Variants in NRG1 observed in about 807,000 individuals in gnomAD.
The protein encoded by NRG1 is neuregulin 1.
A neutral mutation model predicts 63.8 loss-of-function variants in NRG1; 18 were observed. The observed-to-expected ratio is 0.28, with a 90% CI of 0.19 to 0.42. NRG1 has a LOEUF of 0.42. Ranked by LOEUF, NRG1 falls within the 10% of genes least tolerant of loss-of-function variation. NRG1 has a pLI of 1.00. For missense variants in NRG1, 762 were observed against 814.7 expected (o/e 0.94, Z 0.79); for synonymous variants, 302 against 301.3 (o/e 1.00, Z -0.02).
At chr8:32,115,529 T>C (rs1329349691) in intron 1 of NRG1, among the ~76,000 whole-genome samples, 6 of 152,094 alleles carry the variant, frequency 3.9e-5, no homozygotes, top group African/African-American at 1.4e-4. Flanking sequence ...CTCGTTGTCA[T>C]TGTCTTCAGG....
chr8:32,738,709 C>G (rs1162524187), intron 6 of NRG1, among the ~76,000 whole-genome samples: 11 of 152,180 alleles, frequency 7.2e-5, no homozygotes, highest in Admixed American at 7.2e-4. Flanking sequence ...GCTTATAGAT[C>G]AACTGGGTTT....
At chr8:32,410,240 G>A (rs1471509102) in intron 1 of NRG1, among the ~76,000 whole-genome samples, 1 of 141,146 alleles carries the variant, frequency 7.1e-6, no homozygotes, top group East Asian at 2.0e-4. Flanking sequence ...GAGTGCAGTG[G>A]CATCATCATA....
chr8:32,045,561 T>A (rs757665115), intron 1 of NRG1, among the ~76,000 whole-genome samples: 2 of 152,014 alleles, frequency 1.3e-5, no homozygotes, highest in East Asian at 1.9e-4. Context: ...TGTGCTCAAT[T>A]TTAAGAATTA....
chr8:32,226,930 T>C (rs1846387923), intron 1 of NRG1, among the ~76,000 whole-genome samples: 1 of 152,172 alleles, frequency 6.6e-6, no homozygotes, highest in Non-Finnish European at 1.5e-5. Context: ...AGTATAGAGA[T>C]AGAATGTGTC....
At chr8:32,764,031 A>G in exon 12 of NRG1, 2 of 1,614,044 alleles carry the variant, frequency 1.2e-6, no homozygotes, top group Non-Finnish European at 1.7e-6. Context: ...TAGCCCCTTG[A>G]GGATAGTGGA....
intron 5 of NRG1, among the ~76,000 whole-genome samples, chr8:32,688,899 G>A (rs905330727): frequency 2.0e-5 from 3 of 152,130 alleles, no homozygotes; most frequent in Non-Finnish European, 1.5e-5. Context: ...TTGAAATGTT[G>A]AATTACTTTG....
chr8:32,708,867 A>G (rs947352213), intron 5 of NRG1, among the ~76,000 whole-genome samples: 1 of 152,246 alleles, frequency 6.6e-6, no homozygotes, highest in African/African-American at 2.4e-5. Context: ...TATAGGAAGA[A>G]GTCATTACCC....
At chr8:32,501,851 G>A (rs1020251858) in intron 1 of NRG1, among the ~76,000 whole-genome samples, 3 of 152,166 alleles carry the variant, frequency 2.0e-5, no homozygotes, top group African/African-American at 7.2e-5. Flanking sequence ...AGACTACTCG[G>A]TATAGTGGCT....
intron 1 of NRG1, among the ~76,000 whole-genome samples, chr8:31,846,779 G>A (rs1402129871): frequency 6.6e-6 from 1 of 152,066 alleles, no homozygotes; most frequent in Non-Finnish European, 1.5e-5. Flanking sequence ...TTTTAGTGGC[G>A]ATTTCCTAGA....
At chr8:31,783,764 C>T (rs1225816582) in intron 1 of NRG1, among the ~76,000 whole-genome samples, 1 of 152,040 alleles carries the variant, frequency 6.6e-6, no homozygotes, top group East Asian at 1.9e-4. Flanking sequence ...TTAAATGGTC[C>T]TACTAAATAG....
intron 1 of NRG1, among the ~76,000 whole-genome samples, chr8:31,782,852 GC>G (rs1283849155): frequency 1.3e-5 from 2 of 152,148 alleles, no homozygotes; most frequent in Admixed American, 6.5e-5. Context: ...TGCGGATGTT[GC>G]TGGTTCTAAG....
intron 1 of NRG1, among the ~76,000 whole-genome samples, chr8:31,791,707 C>A (rs926440897): frequency 6.6e-6 from 1 of 152,058 alleles, no homozygotes; most frequent in Non-Finnish European, 1.5e-5. Flanking sequence ...CTGCTGTATT[C>A]ACATCTGGTG....
chr8:31,806,365 T>A (rs776202799), intron 1 of NRG1, among the ~76,000 whole-genome samples: 6 of 152,196 alleles, frequency 3.9e-5, no homozygotes, highest in Non-Finnish European at 7.4e-5. Flanking sequence ...TAGTGTTCAC[T>A]TATGAGCTAA....
intron 4 of NRG1, among the ~76,000 whole-genome samples, chr8:32,615,534 T>G (rs1325510129): frequency 6.6e-6 from 1 of 152,102 alleles, no homozygotes; most frequent in Non-Finnish European, 1.5e-5. Context: ...AGAAGGTATT[T>G]CAAGTTCGAT....
At chr8:32,089,054 G>T (rs191128516) in intron 1 of NRG1, among the ~76,000 whole-genome samples, 1 of 152,232 alleles carries the variant, frequency 6.6e-6, no homozygotes, top group Non-Finnish European at 1.5e-5. Flanking sequence ...GTATTTCTGG[G>T]TGTGAAAAGG....
chr8:32,692,522 GA>G (rs1435908410), intron 5 of NRG1, among the ~76,000 whole-genome samples: 1 of 152,136 alleles, frequency 6.6e-6, no homozygotes, highest in South Asian at 2.1e-4. Flanking sequence ...AGGCTTCCTG[GA>G]AAAATTAGAC....
intron 1 of NRG1, among the ~76,000 whole-genome samples, chr8:32,219,838 A>G (rs1408409399): frequency 6.6e-6 from 1 of 152,234 alleles, no homozygotes; most frequent in Non-Finnish European, 1.5e-5. Context: ...TTAATTCTTT[A>G]GTAATGTCAA....
chr8:32,209,498 T>A (rs1046830863), intron 1 of NRG1, among the ~76,000 whole-genome samples: 1 of 152,180 alleles, frequency 6.6e-6, no homozygotes, highest in Non-Finnish European at 1.5e-5. Context: ...TCAGTGTTGT[T>A]TGAATTTTCC....
At chr8:32,330,020 G>A (rs1026015314) in intron 1 of NRG1, among the ~76,000 whole-genome samples, 2 of 116,526 alleles carry the variant, frequency 1.7e-5, no homozygotes, top group African/African-American at 3.4e-5. Context: ...CTACAGGCAT[G>A]TGCCTCCACA....
Sources: gnomAD v4.1 joint callset for allele counts (sites outside exome capture counted in the v4.1 genomes callset) on GRCh38, gnomAD v4.1.1 for gene constraint, MANE v1.5 for transcripts, NCBI Gene and HGNC (gene_info 2026-07-23, HGNC 2026-07-21) for gene names.